The following PCMT1 variants were observed in gnomAD, a reference collection of about 807,000 sequenced individuals.
PCMT1 encodes the protein protein-L-isoaspartate(D-aspartate) O-methyltransferase.
In PCMT1, 9 loss-of-function variants were observed where a neutral mutation model predicts 29.2. The observed-to-expected ratio is 0.31, with a 90% CI of 0.19 to 0.54. PCMT1 has a LOEUF of 0.54. PCMT1 is among the 20% of genes least tolerant of loss of function. The probability of loss-of-function intolerance (pLI) is 0.95; values close to 1 mark genes in which losing one functional copy is unlikely to be tolerated. For missense variants in PCMT1, 184 were observed against 282.2 expected (o/e 0.65, Z 2.49); for synonymous variants, 98 against 97.5 (o/e 1.00, Z -0.03).
chr6:149,764,987 G>A (rs535037730), intron 1 of PCMT1, among the ~76,000 whole-genome samples: 2 of 145,808 alleles, frequency 1.4e-5, no homozygotes, highest in African/African-American at 5.1e-5. Flanking sequence ...CTTGCAGTGA[G>A]CCGAGATCGC....
intron 4 of PCMT1, among the ~76,000 whole-genome samples, chr6:149,793,153 A>ACT (rs1396883180): frequency 2.6e-5 from 3 of 114,448 alleles, no homozygotes; most frequent in East Asian, 4.1e-4. Flanking sequence ...ACAGAGCGAG[A>ACT]CTCTCTCTCA....
intron 1 of PCMT1, among the ~76,000 whole-genome samples, chr6:149,770,037 T>C (rs998641900): frequency 8.5e-5 from 13 of 152,224 alleles, no homozygotes; most frequent in African/African-American, 2.9e-4. Flanking sequence ...GCTCATCATC[T>C]TTCATGGCTC....
At chr6:149,751,762 G>A (rs1323924239) in intron 1 of PCMT1, among the ~76,000 whole-genome samples, 1 of 152,032 alleles carries the variant, frequency 6.6e-6, no homozygotes, top group East Asian at 1.9e-4. Flanking sequence ...TTATAGGCGT[G>A]AGCCACCGCG....
At chr6:149,791,921 G>A (rs1788389487) in intron 4 of PCMT1, among the ~76,000 whole-genome samples, 1 of 152,140 alleles carries the variant, frequency 6.6e-6, no homozygotes, top group Non-Finnish European at 1.5e-5. Context: ...AGTACTTTGT[G>A]TTTTAAGCAC....
At chr6:149,792,576 G>C (rs1259485510) in intron 4 of PCMT1, among the ~76,000 whole-genome samples, 1 of 152,006 alleles carries the variant, frequency 6.6e-6, no homozygotes, top group Non-Finnish European at 1.5e-5. Context: ...GCAGTGGCAC[G>C]ATCTCAACTC....
At position 149,786,453 on chromosome 6, in the gene PCMT1, G is replaced by A. The variant is rs1267419600; in HGVS notation, c.193-3501G>A. Among the ~76,000 whole-genome samples, 7 of 143,596 alleles carry A rather than the reference G, an allele frequency of 4.9e-5. 1 individual carries two copies. Among genetic ancestry groups the A allele is most frequent in the Non-Finnish European group, 9.0e-5 (6 of 66,546 alleles). The allele number at this position is 143,596 out of a possible 152,430, so 94.2% of individuals were successfully genotyped here. A position where few individuals can be genotyped will look rare whatever the true frequency, so the allele number is the denominator to read the frequency against. On this transcript the variant is annotated intron_variant, in intron 3 of 7. Transcript: ENST00000464889. ...CCCTCCCGGACGGGGTGGCTGCTGG[G>A]CGGAGACGCTCCTCACTTCCCAGAC...
At chr6:149,787,397 C>G (rs1398805196) in intron 3 of PCMT1, among the ~76,000 whole-genome samples, 1 of 150,098 alleles carries the variant, frequency 6.7e-6, no homozygotes. Context: ...GACGGAATCT[C>G]GCTCTGTCAC....
At chr6:149,784,999 A>G (rs138880026) in intron 3 of PCMT1, among the ~76,000 whole-genome samples, 140 of 152,048 alleles carry the variant, frequency 9.2e-4, no homozygotes, top group African/African-American at 3.2e-3. Flanking sequence ...GAGTCTATAC[A>G]TTGCATATTT....
At chr6:149,784,521 A>C (rs1266578888) in intron 3 of PCMT1, among the ~76,000 whole-genome samples, 2 of 150,874 alleles carry the variant, frequency 1.3e-5, no homozygotes, top group Non-Finnish European at 3.0e-5. Context: ...CCCAGGCTGG[A>C]ATGTAGTAGC....
chr6:149,759,893 G>A (rs1786671485), intron 1 of PCMT1, among the ~76,000 whole-genome samples: 1 of 152,048 alleles, frequency 6.6e-6, no homozygotes. Context: ...ATATATCTTA[G>A]AATAATCACT....
chr6:149,773,263 A>G, intron 3 of PCMT1, 94 bp downstream of exon 3: 1 of 994,488 alleles, frequency 1.0e-6, no homozygotes, highest in East Asian at 2.5e-5. Flanking sequence ...AGTTGTATCA[A>G]TTTATCATCT....
intron 3 of PCMT1, among the ~76,000 whole-genome samples, chr6:149,786,013 C>T (rs1244962569): frequency 8.7e-5 from 13 of 148,826 alleles, no homozygotes; most frequent in Non-Finnish European, 9.0e-5. Flanking sequence ...ACCTCCCGGA[C>T]GGGGCGGCTG....
At chr6:149,787,758 T>C (rs1296606937) in intron 3 of PCMT1, among the ~76,000 whole-genome samples, 2 of 152,174 alleles carry the variant, frequency 1.3e-5, no homozygotes, top group African/African-American at 4.8e-5. Context: ...AGTCTTACCA[T>C]TGGTAAAGCA....
At chr6:149,758,306 G>A (rs1202250063) in intron 1 of PCMT1, among the ~76,000 whole-genome samples, 2 of 149,816 alleles carry the variant, frequency 1.3e-5, no homozygotes, top group Non-Finnish European at 3.0e-5. Context: ...CGCCTCCCCG[G>A]TTCAAGCAAT....
In PCMT1 at chr6:149,802,233, A is replaced by G; in HGVS notation, c.538A>G (p.Ile180Val). The G allele has an allele frequency of 6.2e-7, 1 of 1,612,154 alleles. No homozygotes were observed. Among genetic ancestry groups the G allele is most frequent in the African/African-American group, 1.3e-5 (1 of 74,886 alleles). Residue 180 changes from isoleucine to valine, a missense_variant, in exon 7 of 8, where the codon ATA becomes GTA. Coordinates refer to ENST00000464889, the MANE Select transcript of PCMT1 (RefSeq NM_001360452.2). ...TCAGTTAAAGCCCGGAGGAAGATTG[A>G]TATTGCCTGTTGGTCCTGCAGGCGG... is the stretch of plus-strand genomic sequence containing the variant. ...IDQLKPGGRL[I>V]LPVGPAGGNQ...
chr6:149,810,212 CA>C (rs1473662069), intron 7 of PCMT1: 1 of 159,590 alleles, frequency 6.3e-6, no homozygotes, highest in African/African-American at 2.4e-5. Flanking sequence ...ACATTCTGAG[CA>C]AAAGACCACA....
intron 3 of PCMT1, among the ~76,000 whole-genome samples, chr6:149,777,739 ACT>A (rs1787629396): frequency 6.6e-6 from 1 of 150,488 alleles, no homozygotes; most frequent in South Asian, 2.1e-4. Context: ...TCTGATTTTC[ACT>A]CTGTGTCCTT....
chr6:149,792,348 G>A (rs1304994938), intron 4 of PCMT1, among the ~76,000 whole-genome samples: 1 of 152,092 alleles, frequency 6.6e-6, no homozygotes, highest in Non-Finnish European at 1.5e-5. Context: ...ACTTGCCAAG[G>A]TATGTATGTA....
intron 1 of PCMT1, among the ~76,000 whole-genome samples, chr6:149,770,577 G>A (rs2115249715): frequency 6.6e-6 from 1 of 152,062 alleles, no homozygotes; most frequent in South Asian, 2.1e-4. Context: ...GTGGTGGCAT[G>A]CACCTGTAGT....
Sources: allele counts gnomAD v4.1 joint callset (sites outside exome capture counted in the v4.1 genomes callset), GRCh38; gene constraint gnomAD v4.1.1; transcripts MANE v1.5; gene names NCBI Gene and HGNC (gene_info 2026-07-23, HGNC 2026-07-21).